The following GABRG1 variants were observed in gnomAD, a reference collection of about 807,000 sequenced individuals.
GABRG1 encodes gamma-aminobutyric acid type A receptor subunit gamma1.
In GABRG1, 49 loss-of-function variants were observed where a neutral mutation model predicts 49.8. The ratio of observed to expected loss-of-function variants is 0.98; its 90% confidence interval spans 0.78 to 1.25. The LOEUF (loss-of-function observed/expected upper bound fraction) is 1.25, where lower values mean the gene tolerates loss of function less well. GABRG1 is among the 50% of genes most tolerant of loss of function. The pLI, the probability that GABRG1 is intolerant of heterozygous loss-of-function variation, is 0.00. For synonymous variants in GABRG1, 232 were observed against 185.1 expected (o/e 1.25, Z -2.06); for missense variants, 552 against 552.3 (o/e 1.00, Z 0.01).
chr4:46,116,169 G>C (rs77396768), intron 1 of GABRG1, among the ~76,000 whole-genome samples: 4,197 of 150,958 alleles, frequency 0.028, 203 homozygotes, highest in African/African-American at 0.095. Flanking sequence ...CCCATCCAAT[G>C]AAATCTTCAG....
chr4:46,097,708 C>T (rs974429550), intron 1 of GABRG1, among the ~76,000 whole-genome samples: 2 of 151,296 alleles, frequency 1.3e-5, no homozygotes, highest in African/African-American at 2.4e-5. Flanking sequence ...CTTAAACCAT[C>T]ACAACCAAAA....
intron 3 of GABRG1, 89 bp downstream of exon 3, chr4:46,083,897 A>G (rs1719661550): frequency 1.3e-6 from 1 of 749,962 alleles, no homozygotes; most frequent in East Asian, 2.7e-5. Context: ...AGAATTAACT[A>G]TAAAAAATTA....
intron 2 of GABRG1, among the ~76,000 whole-genome samples, chr4:46,095,535 A>G (rs1322640406): frequency 1.4e-5 from 2 of 146,648 alleles, no homozygotes; most frequent in African/African-American, 2.7e-5. Context: ...TTCCAGGAGG[A>G]AAAAAAAAGA....
chr4:46,107,570 C>A (rs773890541), intron 1 of GABRG1, among the ~76,000 whole-genome samples: 18 of 150,790 alleles, frequency 1.2e-4, no homozygotes, highest in Non-Finnish European at 2.4e-4. Flanking sequence ...TGCTTCCTAT[C>A]TCCCTCTCTT....
At position 46,072,264 on chromosome 4, in the gene GABRG1, T is replaced by C. The variant is rs188728002; in HGVS notation, c.322-6680A>G. On this transcript the variant is annotated intron_variant, in intron 3 of 8. Transcript: ENST00000295452. ...TACCATGTAGGTTTGTGTAAATACA[T>C]TCTGTGATGTTTCCACAATGGTGAA... 2.3e-4 allele frequency among the ~76,000 whole-genome samples: 35 copies of C among 152,208 alleles called. No individual in the cohort carries two copies. In the East Asian group the frequency reaches 4.6e-3, roughly 20 times the overall value.
chr4:46,058,776 G>A (rs909842277), intron 5 of GABRG1, among the ~76,000 whole-genome samples, 154 bp from the exon 6 acceptor site: 3 of 151,988 alleles, frequency 2.0e-5, no homozygotes, highest in Non-Finnish European at 4.4e-5. Context: ...ATATTAATAA[G>A]CAGAGTTTAA....
In GABRG1 at chr4:46,037,872, C is replaced by T. The variant is rs996988504; in HGVS notation, c.*3116G>A. On this transcript the variant is annotated 3_prime_UTR_variant, in exon 9 of 9. Coordinates refer to ENST00000295452, the MANE Select transcript of GABRG1 (RefSeq NM_173536.4). The stretch of plus-strand genomic sequence containing the variant: ...GCCCTTGGTGTGAGAGAACTGTAGC[C>T]TATTCTTTTTTATGCTGAATTGGCA... 6.6e-6 allele frequency: 1 copy of T among 151,424 alleles called. No homozygotes were observed. Among genetic ancestry groups the T allele is most frequent in the African/African-American group, 2.4e-5 (1 of 41,300 alleles). The allele number at this position is 151,424 out of a possible 1,614,324, so 9.4% of individuals were successfully genotyped here.
rs1717655515 is a variant in GABRG1 at position 46,039,102 on chromosome 4, TTTA to T, written c.*1883_*1885del. Reference sequence around the variant, plus strand: ...AATATTTTAGTAAAGTATTTTATTCTTTATTACTACTTTATTTTTTATTTATCC... The same window carrying T: ...AATATTTTAGTAAAGTATTTTATTCTTTACTACTTTATTTTTTATTTATCC... On this transcript the variant is annotated 3_prime_UTR_variant, in exon 9 of 9. Transcript: ENST00000295452. 1 of 151,738 alleles carries T rather than the reference TTTA, an allele frequency of 6.6e-6. No homozygotes were observed. The highest frequency in any genetic ancestry group is 2.4e-5 in the African/African-American group (1 of 41,418). 9.4% of individuals were successfully genotyped at this position (151,738 alleles called of 1,614,324 possible). A position where few individuals can be genotyped will look rare whatever the true frequency, so the allele number is the denominator to read the frequency against.
chr4:46,072,117 T>G lies in GABRG1; in HGVS notation c.322-6533A>C, dbSNP rs565980579. On this transcript the variant is annotated intron_variant, in intron 3 of 8. Coordinates refer to ENST00000295452, the MANE Select transcript of GABRG1 (RefSeq NM_173536.4). ...GTATTTTTCTATGTTTAGGTATGTT[T>G]AGATATGCAAATGCTTATTGTGTTA... Among the ~76,000 whole-genome samples the G allele has an allele frequency of 1.1e-4, 16 of 152,190 alleles. No individual in the cohort carries two copies. The South Asian group carries it at 1.7e-3, about 16-fold the overall frequency.
chr4:46,088,768 C>G (rs1217440563), intron 2 of GABRG1, among the ~76,000 whole-genome samples: 5 of 148,404 alleles, frequency 3.4e-5, no homozygotes, highest in African/African-American at 1.3e-4. Flanking sequence ...CACACACACC[C>G]CATATATCTA....
Position 46,066,729 on chromosome 4 carries a change from C to CT in GABRG1, c.322-1146dup, listed in dbSNP as rs201565076. ...GAGTAGATGATTAGATATTATCTAC[C>CT]TTTGTATCCTGACAAAATGTCTGCC... On this transcript the variant is annotated intron_variant, in intron 3 of 8. Coordinates refer to ENST00000295452, the MANE Select transcript of GABRG1 (RefSeq NM_173536.4). 7.8e-3 allele frequency among the ~76,000 whole-genome samples: 1,184 copies of CT among 151,836 alleles called. 6 individuals are homozygous for CT. Among genetic ancestry groups the CT allele is most frequent in the Middle Eastern group, 0.031 (9 of 290 alleles).
At chr4:46,094,522 G>C (rs1392744205) in intron 2 of GABRG1, among the ~76,000 whole-genome samples, 1 of 151,936 alleles carries the variant, frequency 6.6e-6, no homozygotes, top group Non-Finnish European at 1.5e-5. Context: ...CAAGAACTAA[G>C]AGGAAAAGGA....
chr4:46,082,554 G>T (rs965271748), intron 3 of GABRG1, among the ~76,000 whole-genome samples: 10 of 151,666 alleles, frequency 6.6e-5, no homozygotes, highest in Non-Finnish European at 7.4e-5. Flanking sequence ...GATGAAGGAG[G>T]GATATGCAAT....
At chr4:46,117,673 T>C (rs1331029136) in intron 1 of GABRG1, among the ~76,000 whole-genome samples, 1 of 144,868 alleles carries the variant, frequency 6.9e-6, no homozygotes, top group Admixed American at 7.0e-5. Flanking sequence ...TATATAGCTG[T>C]ATATATATAC....
intron 3 of GABRG1, among the ~76,000 whole-genome samples, chr4:46,083,312 T>A (rs1719640595): frequency 6.6e-6 from 1 of 151,742 alleles, no homozygotes. Context: ...TGGGTCTCTG[T>A]AACCCTAACT....
rs1720199225 is a variant in GABRG1 at position 46,097,330 on chromosome 4, C to T, written c.124G>A (p.Glu42Lys). ...TTCACCGTTAAATCCTCATCATCTT[C>T]ATCATCTGCCTTATCAACACTAAAT... Reference protein sequence around the residue: ...LGNCVDKADDEDDEDLTVNKT... With the variant: ...LGNCVDKADDKDDEDLTVNKT... Residue 42 changes from glutamate to lysine, a missense_variant, in exon 2 of 9, where the codon GAA (glutamate) becomes AAA (lysine). Glu to Lys is a moderately conservative substitution (Grantham distance 56). Coordinates refer to ENST00000295452, the MANE Select transcript of GABRG1 (RefSeq NM_173536.4). 1.2e-6 allele frequency: 2 copies of T among 1,608,288 alleles called. No individual in the cohort carries two copies. Among genetic ancestry groups the T allele is most frequent in the Non-Finnish European group, 1.7e-6 (2 of 1,177,006 alleles).
intron 2 of GABRG1, among the ~76,000 whole-genome samples, chr4:46,096,060 G>T (rs548199935): frequency 6.6e-6 from 1 of 151,762 alleles, no homozygotes; most frequent in African/African-American, 2.4e-5. Context: ...AGAATGGGTG[G>T]TATTTGGTTT....
At position 46,058,208 on chromosome 4, in the gene GABRG1, A is replaced by C. The variant is rs112216756; in HGVS notation, c.916+9T>G. 4.4e-6 allele frequency: 7 copies of C among 1,605,394 alleles called. No individual in the cohort carries two copies. Among genetic ancestry groups the C allele is most frequent in the African/African-American group, 2.7e-5 (2 of 74,396 alleles). On this transcript the variant is annotated intron_variant, in intron 7 of 8. Transcript: ENST00000295452. ...CTATGGCATTATAGCATAATATTAC[A>C]TGTCATACCCAACGATGTTCTTGCA... is the stretch of plus-strand genomic sequence containing the variant.
At chr4:46,058,764 A>C (rs1338855660) in intron 5 of GABRG1, 142 bp from the exon 6 acceptor site, 1 of 630,710 alleles carries the variant, frequency 1.6e-6, no homozygotes, top group South Asian at 2.2e-5. Context: ...TGAATACAAT[A>C]AATATTAATA....
Sources: gnomAD v4.1 joint callset for allele counts (sites outside exome capture counted in the v4.1 genomes callset) on GRCh38, gnomAD v4.1.1 for gene constraint, MANE v1.5 for transcripts, NCBI Gene and HGNC (gene_info 2026-07-23, HGNC 2026-07-21) for gene names.